PMP22: variants seen among roughly 807,000 people sequenced by gnomAD.
PMP22 encodes Charcot-Marie-Tooth neuropathy 1A (greatly reduced nerve conduction velocity, hereditary motor sensory neuropathy Ia).
PMP22 carries 2 observed loss-of-function variants against 18.9 expected under a neutral mutation model. That is an observed-to-expected ratio of 0.11 (90% CI 0.04 to 0.33). The LOEUF (loss-of-function observed/expected upper bound fraction) is 0.33, where lower values mean the gene tolerates loss of function less well. Among genes scored for constraint, PMP22 ranks in the 10% least tolerant of loss-of-function variants. The pLI is 1.00. For missense variants in PMP22, 169 were observed against 202.2 expected (o/e 0.84, Z 1.00); for synonymous variants, 95 against 89.2 (o/e 1.07, Z -0.37).
At chr17:15,263,111 T>C (rs1476421808) in intron 1 of PMP22, among the ~76,000 whole-genome samples, 1 of 152,230 alleles carries the variant, frequency 6.6e-6, no homozygotes, top group Non-Finnish European at 1.5e-5. Context: ...CTACGAAGCA[T>C]GCCAGCTTCC....
In PMP22 at chr17:15,259,313, C is replaced by A. The variant is rs111404728; in HGVS notation, c.79-120G>T. 0.021 allele frequency: 16,688 copies of A among 777,704 alleles called. 245 individuals carry two copies. The highest frequency in any genetic ancestry group is 0.045 in the Middle Eastern group (196 of 4,340). 48.2% of individuals were successfully genotyped at this position (777,704 alleles called of 1,614,324 possible). A position where few individuals can be genotyped will look rare whatever the true frequency, so the allele number is the denominator to read the frequency against. ...CGCATCCACCTAGCCACACCGCCCACCCCTGCATGGTAAGAGCCAACGTTT... is the reference window on the plus strand; with the variant it reads ...CGCATCCACCTAGCCACACCGCCCAACCCTGCATGGTAAGAGCCAACGTTT... On this transcript the variant is annotated intron_variant, in intron 2 of 4. Coordinates refer to ENST00000312280, the MANE Select transcript of PMP22 (RefSeq NM_000304.4).
chr17:15,230,010 G>T lies in PMP22; in HGVS notation c.*907C>A, dbSNP rs963622100. ...ACGGTCCCAAGGAGTCTAGACGCTTGTTCTGATGCTCCGACCGTAAGAAAA... is the reference window on the plus strand; with the variant it reads ...ACGGTCCCAAGGAGTCTAGACGCTTTTTCTGATGCTCCGACCGTAAGAAAA... On this transcript the variant is annotated 3_prime_UTR_variant, in exon 5 of 5. Coordinates refer to ENST00000312280, the MANE Select transcript of PMP22 (RefSeq NM_000304.4). 1 of 152,650 alleles carries T rather than the reference G, an allele frequency of 6.6e-6. No homozygotes were observed. The highest frequency in any genetic ancestry group is 1.5e-5 in the Non-Finnish European group (1 of 68,058). The allele number at this position is 152,650 out of a possible 1,614,324, so 9.5% of individuals were successfully genotyped here.
chr17:15,246,215 A>G (rs181978231), intron 3 of PMP22, among the ~76,000 whole-genome samples: 13 of 152,340 alleles, frequency 8.5e-5, no homozygotes, highest in Non-Finnish European at 1.0e-4. Context: ...AAAGAATCAG[A>G]GAGCAAATAC....
intron 3 of PMP22, among the ~76,000 whole-genome samples, chr17:15,240,317 G>A (rs1313618057): frequency 6.6e-6 from 1 of 151,632 alleles, no homozygotes; most frequent in Non-Finnish European, 1.5e-5. Context: ...AGAGCCCAAA[G>A]TAATTTTTTG....
intron 3 of PMP22, among the ~76,000 whole-genome samples, chr17:15,252,663 C>A (rs1908460747): frequency 6.6e-6 from 1 of 152,326 alleles, no homozygotes; most frequent in Non-Finnish European, 1.5e-5. Flanking sequence ...TTTTTAAAAA[C>A]AAAAGTGATT....
intron 4 of PMP22, among the ~76,000 whole-genome samples, chr17:15,237,193 C>T (rs1906889802): frequency 6.6e-6 from 1 of 152,168 alleles, no homozygotes; most frequent in Admixed American, 6.5e-5. Flanking sequence ...ATACTTAAAT[C>T]GCAATACCTA....
intron 4 of PMP22, among the ~76,000 whole-genome samples, chr17:15,234,971 G>C (rs72812942): frequency 0.16 from 24,383 of 151,840 alleles, 3,147 homozygotes; most frequent in African/African-American, 0.35. Context: ...CGTGCTCCAA[G>C]GCACCCCACT....
chr17:15,260,635 C>T lies in PMP22; in HGVS notation c.78+15G>A. The T allele has an allele frequency of 6.4e-7, 1 of 1,550,668 alleles. No homozygotes were observed. Among genetic ancestry groups the T allele is most frequent in the African/African-American group, 1.4e-5 (1 of 73,168 alleles). ...AGGGCGGGCCGCGCAGGGAGCCTCCCCGCCAGGCACTCACGCTGACGATCG... is the reference window on the plus strand; with the variant it reads ...AGGGCGGGCCGCGCAGGGAGCCTCCTCGCCAGGCACTCACGCTGACGATCG... On this transcript the variant is annotated intron_variant, in intron 2 of 4. Coordinates refer to ENST00000312280, the MANE Select transcript of PMP22 (RefSeq NM_000304.4).
intron 1 of PMP22, among the ~76,000 whole-genome samples, chr17:15,262,138 G>A (rs1909393056): frequency 1.3e-5 from 2 of 152,234 alleles, no homozygotes; most frequent in Admixed American, 1.3e-4. Flanking sequence ...GTGTCCCAGA[G>A]TCAACGCCTC....
At chr17:15,233,795 G>A (rs1317235961) in intron 4 of PMP22, among the ~76,000 whole-genome samples, 1 of 152,190 alleles carries the variant, frequency 6.6e-6, no homozygotes, top group Non-Finnish European at 1.5e-5. Flanking sequence ...GGAAGGAAAT[G>A]CACCAGATGC....
In PMP22 at chr17:15,231,098, C is replaced by T; in HGVS notation, c.320-18G>A. 2 of 1,612,984 alleles carry T rather than the reference C, an allele frequency of 1.2e-6. No homozygotes were observed. Among genetic ancestry groups the T allele is most frequent in the Non-Finnish European group, 8.5e-7 (1 of 1,179,990 alleles). ...GCACAGACCTGGGGAAGGAGAGGGA[C>T]AAGCTGGGTGACGGAGAGTCCATGG... is the stretch of plus-strand genomic sequence containing the variant. On this transcript the variant is annotated intron_variant, in intron 4 of 4. Transcript: ENST00000312280.
chr17:15,253,742 C>T (rs761352248), intron 3 of PMP22, among the ~76,000 whole-genome samples: 5 of 152,132 alleles, frequency 3.3e-5, no homozygotes, highest in South Asian at 2.1e-4. Context: ...TTGCACTTGA[C>T]GGTCCTTCTG....
chr17:15,237,111 G>T (rs1906882475), intron 4 of PMP22, among the ~76,000 whole-genome samples: 1 of 152,334 alleles, frequency 6.6e-6, no homozygotes, highest in Non-Finnish European at 1.5e-5. Context: ...TGCACTTCCA[G>T]CACAGTTCTA....
chr17:15,247,481 A>G (rs1164331032), intron 3 of PMP22, among the ~76,000 whole-genome samples: 1 of 152,216 alleles, frequency 6.6e-6, no homozygotes, highest in Non-Finnish European at 1.5e-5. Context: ...GGCAGCACCC[A>G]GACCTAGCTC....
chr17:15,263,192 T>G (rs1909478754), intron 1 of PMP22, among the ~76,000 whole-genome samples: 2 of 152,196 alleles, frequency 1.3e-5, no homozygotes, highest in Non-Finnish European at 2.9e-5. Context: ...TCCGGCCGAC[T>G]ACTGGATAGC....
intron 3 of PMP22, among the ~76,000 whole-genome samples, chr17:15,240,192 A>C (rs1907198788): frequency 6.6e-6 from 1 of 152,198 alleles, no homozygotes; most frequent in Non-Finnish European, 1.5e-5. Flanking sequence ...TCTTGCCCTC[A>C]GGGGTCTTTG....
intron 4 of PMP22, among the ~76,000 whole-genome samples, chr17:15,238,169 T>C (rs143953045): frequency 2.0e-5 from 3 of 152,308 alleles, no homozygotes; most frequent in South Asian, 4.1e-4. Flanking sequence ...TCATAAGACA[T>C]GTGTAAGTAG....
chr17:15,263,607 C>G (rs896080845), intron 1 of PMP22, among the ~76,000 whole-genome samples: 5 of 133,048 alleles, frequency 3.8e-5, no homozygotes, highest in Admixed American at 7.3e-5. Context: ...ACACACACTT[C>G]CCTACCTCTA....
Position 15,236,901 on chromosome 17 carries a change from G to A in PMP22, c.319+2570C>T, listed in dbSNP as rs1906865125. 3.9e-5 allele frequency among the ~76,000 whole-genome samples: 6 copies of A among 152,306 alleles called. No homozygotes were observed. In the South Asian group the frequency reaches 1.2e-3, roughly 32 times the overall value. ...GACCAACTCTCAGATGATCTTGACT[G>A]GGATTAACAACGGAGGACAGGACAC... On this transcript the variant is annotated intron_variant, in intron 4 of 4. Coordinates refer to ENST00000312280, the MANE Select transcript of PMP22 (RefSeq NM_000304.4).
Sources: gnomAD v4.1 joint callset for allele counts (sites outside exome capture counted in the v4.1 genomes callset) on GRCh38, gnomAD v4.1.1 for gene constraint, MANE v1.5 for transcripts, NCBI Gene and HGNC (gene_info 2026-07-23, HGNC 2026-07-21) for gene names.